BIRC6: variants seen among roughly 807,000 people sequenced by gnomAD.
BIRC6 encodes the protein baculoviral IAP repeat containing 6, also known as dual E2 ubiquitin-conjugating enzyme/E3 ubiquitin-protein ligase BIRC6.
A neutral mutation model predicts 503.3 loss-of-function variants in BIRC6; 98 were observed. The observed-to-expected ratio is 0.19, with a 90% confidence interval of 0.17 to 0.23. The LOEUF (loss-of-function observed/expected upper bound fraction) is 0.23. Among genes scored for constraint, BIRC6 ranks in the 10% least tolerant of loss-of-function variants. The pLI, the probability that BIRC6 is intolerant of heterozygous loss-of-function variation, is 1.00. For synonymous variants in BIRC6, 2,240 were observed against 2,078.7 expected (o/e 1.08, Z -2.11); for missense variants, 5,360 against 5,806.0 (o/e 0.92, Z 2.50).
At chr2:32,380,124 G>A in intron 2 of BIRC6, 29 bp from the exon 3 acceptor site, 1 of 1,435,750 alleles carries the variant, frequency 7.0e-7, no homozygotes, top group Non-Finnish European at 9.2e-7. Flanking sequence ...AATTTTCTGT[G>A]ATTTTTTTAT....
At chr2:32,529,902 T>A (rs1391688705) in intron 60 of BIRC6, 78 bp downstream of exon 60, 9 of 951,700 alleles carry the variant, frequency 9.5e-6, no homozygotes, top group Admixed American at 3.9e-5. Flanking sequence ...ATGACTTAAT[T>A]GACTTGTGTT....
intron 66 of BIRC6, among the ~76,000 whole-genome samples, chr2:32,589,413 T>G (rs1381658081): frequency 6.6e-6 from 1 of 152,204 alleles, no homozygotes; most frequent in Non-Finnish European, 1.5e-5. Context: ...GATTTACATC[T>G]TTCAAGGCAT....
rs756771847 is a variant in BIRC6 at position 32,357,206 on chromosome 2, G to A, written c.45G>A (p.Glu15=). The A allele has an allele frequency of 3.1e-5, 47 of 1,539,560 alleles. No homozygotes were observed. The highest frequency in any genetic ancestry group is 4.1e-5 in the Non-Finnish European group (47 of 1,148,640). Residue 15 remains glutamate (E), a synonymous_variant, in exon 1 of 74, where the codon GAG becomes GAA. Coordinates refer to ENST00000421745, the MANE Select transcript of BIRC6 (RefSeq NM_016252.4). The surrounding 1 kb of genome is among the most constrained non-coding windows in gnomAD (Gnocchi z 4.9). ...GGAAPPGTVT[E]PLPSVIVLSA... Reference sequence around the variant, plus strand: ...CTGCACCTCCCGGGACTGTCACTGAGCCGCTTCCCAGTGTGATTGTGCTGA... The same window carrying A: ...CTGCACCTCCCGGGACTGTCACTGAACCGCTTCCCAGTGTGATTGTGCTGA...
At position 32,515,719 on chromosome 2, in the gene BIRC6, C is replaced by T; in HGVS notation, c.11298C>T (p.Phe3766=). 2 of 1,601,768 alleles carry T rather than the reference C, an allele frequency of 1.2e-6. No individual in the cohort carries two copies. Among genetic ancestry groups the T allele is most frequent in the Non-Finnish European group, 8.5e-7 (1 of 1,179,814 alleles). The change falls in exon 55 of 74, where the codon TTC becomes TTT. Residue 3766 remains phenylalanine (F), a synonymous_variant. Transcript: ENST00000421745. Reference sequence around the variant, plus strand: ...CAATTGAGAATGCAACTGTTGCGTTCTTTCTACAGTGCATTTCATGCCATC... The same window carrying T: ...CAATTGAGAATGCAACTGTTGCGTTTTTTCTACAGTGCATTTCATGCCATC... ...RTAIENATVA[F]FLQCISCHPN...
At chr2:32,423,969 T>G (rs2147751415) in intron 10 of BIRC6, among the ~76,000 whole-genome samples, 1 of 152,338 alleles carries the variant, frequency 6.6e-6, no homozygotes, top group South Asian at 2.1e-4. Context: ...CCATTTTACT[T>G]AATAATGGCC....
At chr2:32,449,076 C>A in intron 22 of BIRC6, 148 bp downstream of exon 22, 1 of 680,388 alleles carries the variant, frequency 1.5e-6, no homozygotes, top group South Asian at 3.0e-5. Flanking sequence ...AAAATGTTTC[C>A]TAGAAGTTCT....
At chr2:32,572,528 C>T (rs144031705) in intron 65 of BIRC6, among the ~76,000 whole-genome samples, 8 of 152,264 alleles carry the variant, frequency 5.3e-5, no homozygotes, top group East Asian at 1.9e-4. Context: ...TACCTGTTTG[C>T]GCTTTTACCT....
At chr2:32,606,208 CTT>C (rs2062437936) in intron 71 of BIRC6, among the ~76,000 whole-genome samples, 1 of 152,194 alleles carries the variant, frequency 6.6e-6, no homozygotes, top group Non-Finnish European at 1.5e-5. Flanking sequence ...AATCACCTCT[CTT>C]AATATATGTT....
In BIRC6 at chr2:32,357,238, G is replaced by A. The variant is rs2033207114; in HGVS notation, c.77G>A (p.Gly26Asp). ...CCCAGTGTGATTGTGCTGAGCGCAGGCCGGAAGATGGCGGCTGCGGCTGCG... is the reference window on the plus strand; with the variant it reads ...CCCAGTGTGATTGTGCTGAGCGCAGACCGGAAGATGGCGGCTGCGGCTGCG... ...PLPSVIVLSA[G>D]RKMAAAAAAA... The change falls in exon 1 of 74, where the codon GGC becomes GAC. Residue 26 changes from glycine (G) to aspartate (D), a missense_variant. By Grantham distance (94) the Gly-to-Asp change is moderately conservative. Around this residue, in one of 16 missense-constraint regions of BIRC6, gnomAD observed 145 missense variants for 106.9 expected, o/e 1.36. Coordinates refer to ENST00000421745, the MANE Select transcript of BIRC6 (RefSeq NM_016252.4). This position sits in a 1 kb window ranked among gnomAD's most constrained non-coding sequence, Gnocchi z 4.9. 2.6e-6 allele frequency: 4 copies of A among 1,526,244 alleles called. No individual in the cohort carries two copies. Among genetic ancestry groups the A allele is most frequent in the Non-Finnish European group, 3.5e-6 (4 of 1,140,184 alleles). 94.5% of individuals were successfully genotyped at this position (1,526,244 alleles called of 1,614,324 possible). A position where few individuals can be genotyped will look rare whatever the true frequency, so the allele number is the denominator to read the frequency against.
Position 32,515,263 on chromosome 2 carries a change from T to C in BIRC6, c.10842T>C (p.Ala3614=). ...ALTESHLATL[A]SSSQSPEAIK... is the part of the protein sequence containing the mutation. ...CTGAATCACATTTGGCTACCCTTGC[T>C]TCCTCTTCTCAATCTCCTGAAGCTA... is the stretch of plus-strand genomic sequence containing the variant. The change falls in exon 55 of 74, where the codon GCT becomes GCC. Residue 3614 remains alanine, a synonymous_variant. Transcript: ENST00000421745. 6.2e-7 allele frequency: 1 copy of C among 1,613,916 alleles called. No individual in the cohort carries two copies. The highest frequency in any genetic ancestry group is 8.5e-7 in the Non-Finnish European group (1 of 1,179,894).
intron 72 of BIRC6, among the ~76,000 whole-genome samples, chr2:32,610,807 C>T (rs1282077181): frequency 2.6e-5 from 4 of 152,116 alleles, no homozygotes; most frequent in African/African-American, 9.7e-5. Context: ...CTTGCTCTGT[C>T]GCCCAGGCTG....
intron 51 of BIRC6, among the ~76,000 whole-genome samples, chr2:32,509,370 C>T (rs916906778): frequency 6.6e-6 from 1 of 152,022 alleles, no homozygotes. Context: ...TTCTCCTGCC[C>T]CACCTTCCCA....
chr2:32,564,348 G>A (rs2059391541), intron 65 of BIRC6: 1 of 152,146 alleles, frequency 6.6e-6, no homozygotes, highest in Non-Finnish European at 1.5e-5. Context: ...TTATGGCTGT[G>A]TACTACATTT....
chr2:32,393,561 G>C (rs1404208437), intron 5 of BIRC6, among the ~76,000 whole-genome samples: 1 of 152,036 alleles, frequency 6.6e-6, no homozygotes, highest in East Asian at 1.9e-4. Context: ...ACCCAAGTTG[G>C]AGTGCAGTGG....
chr2:32,612,611 T>C (rs926381503), intron 73 of BIRC6, among the ~76,000 whole-genome samples: 2 of 152,194 alleles, frequency 1.3e-5, no homozygotes, highest in Non-Finnish European at 2.9e-5. Context: ...TTTCAGGACA[T>C]GTACAGAAAT....
At chr2:32,460,849 T>C (rs2047815032) in intron 23 of BIRC6, among the ~76,000 whole-genome samples, 1 of 151,836 alleles carries the variant, frequency 6.6e-6, no homozygotes, top group Non-Finnish European at 1.5e-5. Context: ...AATACAAGCA[T>C]GGTATGAATG....
chr2:32,511,476 ATTTTT>A (rs1166383796), intron 53 of BIRC6, among the ~76,000 whole-genome samples: 1 of 80,152 alleles, frequency 1.2e-5, no homozygotes, highest in Non-Finnish European at 2.5e-5. Context: ...TAACTGACTA[ATTTTT>A]TTTTTTTTTT....
Position 32,505,220 on chromosome 2 carries a change from A to C in BIRC6, c.9700+15A>C. On this transcript the variant is annotated intron_variant, in intron 50 of 73. Coordinates refer to ENST00000421745, the MANE Select transcript of BIRC6 (RefSeq NM_016252.4). ...ATCTCTTGCAAGTGAGTAATATTTT[A>C]TAAAGAAGCATCATGAGAACAAGCT... is the stretch of plus-strand genomic sequence containing the variant. The C allele has an allele frequency of 6.6e-7, 1 of 1,525,028 alleles. No homozygotes were observed. The highest frequency in any genetic ancestry group is 8.9e-7 in the Non-Finnish European group (1 of 1,122,554). The allele number at this position is 1,525,028 out of a possible 1,614,324, so 94.5% of individuals were successfully genotyped here. A position where few individuals can be genotyped will look rare whatever the true frequency, so the allele number is the denominator to read the frequency against.
At chr2:32,573,179 C>A (rs2150994260) in intron 65 of BIRC6, among the ~76,000 whole-genome samples, 1 of 152,240 alleles carries the variant, frequency 6.6e-6, no homozygotes, top group South Asian at 2.1e-4. Flanking sequence ...GCCTGTCCAG[C>A]AACAGGTTTT....
Sources: gnomAD v4.1 joint callset for allele counts (sites outside exome capture counted in the v4.1 genomes callset) on GRCh38, gnomAD v4.1.1 for gene constraint, gnomAD v4.1.1 regional missense constraint, Gnocchi (gnomAD v3.1) non-coding constraint, MANE v1.5 for transcripts, NCBI Gene and HGNC (gene_info 2026-07-23, HGNC 2026-07-21) for gene names.